CDH13: variants seen among roughly 807,000 people sequenced by gnomAD.
CDH13 encodes cadherin 13.
In CDH13, 24 loss-of-function variants were observed where a neutral mutation model predicts 63.8. That is an observed-to-expected ratio of 0.38 (90% CI 0.27 to 0.53). The LOEUF (loss-of-function observed/expected upper bound fraction) is 0.53, where lower values mean the gene tolerates loss of function less well. Ranked by LOEUF, CDH13 falls within the 20% of genes least tolerant of loss-of-function variation. The pLI, the probability that CDH13 is intolerant of heterozygous loss-of-function variation, is 0.85. For missense variants in CDH13, 1,049 were observed against 903.1 expected (o/e 1.16, Z -2.07); for synonymous variants, 503 against 355.3 (o/e 1.42, Z -4.67).
At chr16:82,961,120 C>G (rs1322309275) in intron 2 of CDH13, among the ~76,000 whole-genome samples, 3 of 152,196 alleles carry the variant, frequency 2.0e-5, no homozygotes, top group African/African-American at 7.2e-5. Flanking sequence ...TGAGCTGGCG[C>G]CAGCACGGAG....
At chr16:82,893,566 G>A (rs2041152887) in intron 2 of CDH13, among the ~76,000 whole-genome samples, 1 of 152,344 alleles carries the variant, frequency 6.6e-6, no homozygotes, top group East Asian at 1.9e-4. Flanking sequence ...ATGGCTTTCT[G>A]TTTGGCATGC....
chr16:83,758,068 C>G (rs1385015230), intron 11 of CDH13, among the ~76,000 whole-genome samples: 1 of 149,116 alleles, frequency 6.7e-6, no homozygotes, highest in African/African-American at 2.5e-5. Context: ...AAAATCTTAA[C>G]TAGCCCAGTG....
Position 83,180,867 on chromosome 16 carries a change from C to G in CDH13, c.484-36478C>G, listed in dbSNP as rs575663538. The G allele has an allele frequency of 5.5e-5, 83 of 1,512,190 alleles. 1 individual carries two copies. The East Asian group carries it at 1.6e-3, about 30-fold the overall frequency. 93.7% of individuals were successfully genotyped at this position (1,512,190 alleles called of 1,614,324 possible). ...AACAAAATGTGTTTTTTTTTTCTTACAGAGAACCCACAATCCTATTAACAG... is the reference window on the plus strand; with the variant it reads ...AACAAAATGTGTTTTTTTTTTCTTAGAGAGAACCCACAATCCTATTAACAG... On this transcript the variant is annotated intron_variant, in intron 4 of 13. Coordinates refer to ENST00000567109, the MANE Select transcript of CDH13 (RefSeq NM_001257.5).
At chr16:83,479,377 C>A (rs547784849) in intron 6 of CDH13, among the ~76,000 whole-genome samples, 2 of 152,162 alleles carry the variant, frequency 1.3e-5, no homozygotes, top group Non-Finnish European at 2.9e-5. Context: ...AACAAACTTA[C>A]ATTTCTCAGC....
intron 8 of CDH13, among the ~76,000 whole-genome samples, chr16:83,658,591 C>T (rs112756059): frequency 3.4e-3 from 423 of 123,260 alleles, no homozygotes; most frequent in Middle Eastern, 8.6e-3. Flanking sequence ...CAGCAAGGTC[C>T]CATATCCTCA....
intron 6 of CDH13, among the ~76,000 whole-genome samples, chr16:83,462,441 A>G (rs138626068): frequency 1.6e-3 from 248 of 152,318 alleles, no homozygotes; most frequent in African/African-American, 5.6e-3. Flanking sequence ...ACTATTGCAG[A>G]AGGTGGTGAG....
rs1330995249 is a variant in CDH13 at position 82,824,193 on chromosome 16, T to A, written c.46-34169T>A. The A allele has an allele frequency of 2.0e-5, 3 of 152,226 alleles. No individual in the cohort carries two copies. In the East Asian group the frequency reaches 5.8e-4, roughly 29 times the overall value. The allele number at this position is 152,226 out of a possible 1,614,324, so 9.4% of individuals were successfully genotyped here. Reference sequence around the variant, plus strand: ...ACAAAATAAGTGATTTCAATGGATTTAAATACACTAAATCTGTTTAAATAC... The same window carrying A: ...ACAAAATAAGTGATTTCAATGGATTAAAATACACTAAATCTGTTTAAATAC... On this transcript the variant is annotated intron_variant, in intron 1 of 13. Transcript: ENST00000567109.
intron 4 of CDH13, among the ~76,000 whole-genome samples, chr16:83,195,965 C>T (rs2038866349): frequency 2.0e-5 from 3 of 152,156 alleles, no homozygotes; most frequent in Non-Finnish European, 2.9e-5. Context: ...CAAAATTTAA[C>T]TCAAAGTGGT....
chr16:83,723,265 C>G (rs1909932084), intron 10 of CDH13, among the ~76,000 whole-genome samples: 1 of 152,206 alleles, frequency 6.6e-6, no homozygotes, highest in African/African-American at 2.4e-5. Flanking sequence ...TTTTCACCCA[C>G]CCTATGAGTG....
At chr16:82,651,921 G>A (rs1295011339) in intron 1 of CDH13, among the ~76,000 whole-genome samples, 1 of 152,216 alleles carries the variant, frequency 6.6e-6, no homozygotes, top group East Asian at 1.9e-4. Context: ...AAAAGCAGGA[G>A]GGAAGATAAG....
chr16:83,768,929 A>G (rs1350032189), intron 11 of CDH13, among the ~76,000 whole-genome samples: 1 of 151,990 alleles, frequency 6.6e-6, no homozygotes, highest in African/African-American at 2.4e-5. Context: ...GAATGCCTTA[A>G]CCGTCTGGGA....
chr16:83,009,847 G>T (rs768582869), intron 2 of CDH13, among the ~76,000 whole-genome samples: 3 of 152,124 alleles, frequency 2.0e-5, no homozygotes, highest in Non-Finnish European at 4.4e-5. Context: ...GATTAGAATG[G>T]CTCAGGCCGG....
At chr16:83,553,878 C>T (rs1421496061) in intron 7 of CDH13, among the ~76,000 whole-genome samples, 2 of 152,282 alleles carry the variant, frequency 1.3e-5, no homozygotes, top group East Asian at 3.9e-4. Context: ...TTTTTAAATG[C>T]CAACATAATA....
intron 8 of CDH13, among the ~76,000 whole-genome samples, chr16:83,628,872 T>C (rs1187417203): frequency 2.6e-5 from 4 of 152,242 alleles, no homozygotes; most frequent in African/African-American, 9.6e-5. Flanking sequence ...TTACCTATTT[T>C]TTAAAAGAAA....
chr16:83,330,136 T>A lies in CDH13; in HGVS notation c.637-14726T>A, dbSNP rs531201422. On this transcript the variant is annotated intron_variant, in intron 5 of 13. Coordinates refer to ENST00000567109, the MANE Select transcript of CDH13 (RefSeq NM_001257.5). ...GAATTATTATGTATCTGGACTGTGG[T>A]GGTGGATACAAGAACCTGCACATGT... Among the ~76,000 whole-genome samples the A allele has an allele frequency of 1.3e-3, 192 of 152,294 alleles. 2 individuals carry two copies. The highest frequency in any genetic ancestry group is 4.4e-3 in the African/African-American group (184 of 41,570).
chr16:83,332,513 C>T (rs1019910208), intron 5 of CDH13, among the ~76,000 whole-genome samples: 1 of 152,112 alleles, frequency 6.6e-6, no homozygotes, highest in African/African-American at 2.4e-5. Flanking sequence ...CTGAATTTCA[C>T]ATTAGGAAAG....
intron 7 of CDH13, among the ~76,000 whole-genome samples, chr16:83,554,574 G>A (rs9927727): frequency 0.32 from 48,365 of 151,758 alleles, 8,435 homozygotes; most frequent in East Asian, 0.4. Context: ...GAGCTGAGGA[G>A]GGTTATGAAG....
intron 5 of CDH13, among the ~76,000 whole-genome samples, chr16:83,309,040 T>G (rs993766417): frequency 6.6e-6 from 1 of 152,180 alleles, no homozygotes; most frequent in African/African-American, 2.4e-5. Context: ...TTGTTATGCC[T>G]CAGTCCTCAG....
At chr16:83,121,461 C>G (rs72798384) in intron 3 of CDH13, among the ~76,000 whole-genome samples, 12,085 of 152,220 alleles carry the variant, frequency 0.079, 554 homozygotes, top group Non-Finnish European at 0.095. Flanking sequence ...GGGCTCATGC[C>G]AAGTGCCCAG....
Sources: allele counts gnomAD v4.1 joint callset (sites outside exome capture counted in the v4.1 genomes callset), GRCh38; gene constraint gnomAD v4.1.1; transcripts MANE v1.5; gene names NCBI Gene and HGNC (gene_info 2026-07-23, HGNC 2026-07-21).